Variants in ESF1 observed in about 807,000 individuals in gnomAD.
ESF1 encodes ESF1 homolog.
In ESF1, 58 loss-of-function variants were observed where a neutral mutation model predicts 92.0. The observed-to-expected ratio is 0.63, with a 90% CI of 0.51 to 0.78. The LOEUF (loss-of-function observed/expected upper bound fraction) is 0.78. Ranked by LOEUF, ESF1 falls within the 30% of genes least tolerant of loss-of-function variation. The pLI is 0.00. For synonymous variants in ESF1, 321 were observed against 313.7 expected (o/e 1.02, Z -0.24); for missense variants, 922 against 989.1 (o/e 0.93, Z 0.91).
intron 10 of ESF1, among the ~76,000 whole-genome samples, chr20:13,731,621 A>G (rs1195394732): frequency 1.3e-5 from 2 of 152,070 alleles, no homozygotes; most frequent in Non-Finnish European, 2.9e-5. Context: ...TAGCACATCA[A>G]TGGGAGCAGG....
intron 11 of ESF1, among the ~76,000 whole-genome samples, chr20:13,721,135 G>T (rs1289748446): frequency 2.6e-5 from 4 of 151,944 alleles, no homozygotes; most frequent in Non-Finnish European, 4.4e-5. Flanking sequence ...TAAAAAAAAA[G>T]AAAAGAAATG....
At chr20:13,756,882 A>T (rs764739254) in intron 9 of ESF1, among the ~76,000 whole-genome samples, 8 of 152,246 alleles carry the variant, frequency 5.3e-5, no homozygotes, top group Admixed American at 1.3e-4. Flanking sequence ...AAAAGTTTTT[A>T]AAATTAAAAG....
chr20:13,722,323 T>C (rs2049873486), intron 11 of ESF1, among the ~76,000 whole-genome samples: 1 of 152,214 alleles, frequency 6.6e-6, no homozygotes, highest in Non-Finnish European at 1.5e-5. Context: ...ACAAAGAATT[T>C]ACTATGATGT....
chr20:13,737,145 A>C (rs1353193201), intron 9 of ESF1, among the ~76,000 whole-genome samples: 1 of 152,218 alleles, frequency 6.6e-6, no homozygotes, highest in Non-Finnish European at 1.5e-5. Context: ...AACTGCTTTT[A>C]GTTTTGCACA....
At position 13,758,844 on chromosome 20, in the gene ESF1, T is replaced by TA. The variant is rs1342688366; in HGVS notation, c.1828+847dup. 2.6e-5 allele frequency among the ~76,000 whole-genome samples: 4 copies of TA among 152,294 alleles called. No individual in the cohort carries two copies. The East Asian group carries it at 7.7e-4, about 29-fold the overall frequency. On this transcript the variant is annotated intron_variant, in intron 9 of 13. Coordinates refer to ENST00000617257, the MANE Select transcript of ESF1 (RefSeq NM_001276380.2). ...ACAATGTTGAAAAAAATGTGTACAGTAGTCCCCCATTATCTGAGGAGGATA... is the reference window on the plus strand; with the variant it reads ...ACAATGTTGAAAAAAATGTGTACAGTAAGTCCCCCATTATCTGAGGAGGATA...
At chr20:13,778,462 C>CT (rs1325408976) in intron 2 of ESF1, among the ~76,000 whole-genome samples, 11 of 28,250 alleles carry the variant, frequency 3.9e-4, no homozygotes, top group Non-Finnish European at 3.4e-4. Flanking sequence ...TTTTGAATAT[C>CT]ATTTTTTTAT....
At position 13,769,932 on chromosome 20, in the gene ESF1, G is replaced by A; in HGVS notation, c.1493C>T (p.Thr498Ile). Residue 498 changes from threonine to isoleucine, a missense_variant, in exon 7 of 14, where the codon ACT (threonine) becomes ATT (isoleucine). By Grantham distance (89) the Thr-to-Ile change is moderately conservative (BLOSUM62 -1). Coordinates refer to ENST00000617257, the MANE Select transcript of ESF1 (RefSeq NM_001276380.2). ...NLTAYKPKYFTSAAMGTSTVE... is the reference protein window; with the variant it reads ...NLTAYKPKYFISAAMGTSTVE... The stretch of plus-strand genomic sequence containing the variant: ...CGTTGATGTTCCCATTGCAGCAGAA[G>A]TGAAATATTTTGGTTTATATGCTGT... The A allele has an allele frequency of 3.7e-6, 6 of 1,610,936 alleles. No individual in the cohort carries two copies. Among genetic ancestry groups the A allele is most frequent in the Non-Finnish European group, 4.2e-6 (5 of 1,178,402 alleles).
chr20:13,781,661 C>T (rs143485327), intron 2 of ESF1, among the ~76,000 whole-genome samples: 2 of 152,132 alleles, frequency 1.3e-5, no homozygotes, highest in Admixed American at 1.3e-4. Context: ...AAAGTGTGAC[C>T]CCTGGGAGCT....
At chr20:13,751,693 T>C (rs1447790047) in intron 9 of ESF1, among the ~76,000 whole-genome samples, 1 of 152,214 alleles carries the variant, frequency 6.6e-6, no homozygotes, top group Non-Finnish European at 1.5e-5. Flanking sequence ...AAAAAGCTTC[T>C]TGGAAAGTCT....
intron 5 of ESF1, 93 bp downstream of exon 5, chr20:13,772,422 A>G (rs1266893561): frequency 1.2e-5 from 11 of 934,780 alleles, no homozygotes; most frequent in African/African-American, 1.6e-5. Context: ...GCACAAGTAT[A>G]AACTTTAGTT....
intron 2 of ESF1, among the ~76,000 whole-genome samples, chr20:13,777,791 T>C: frequency 3.3e-5 from 1 of 30,422 alleles, no homozygotes; most frequent in African/African-American, 8.6e-5. Flanking sequence ...TACTCATCTT[T>C]AAGTTGGAGC....
At chr20:13,734,769 A>AT (rs1387728841) in intron 9 of ESF1, among the ~76,000 whole-genome samples, 1 of 71,914 alleles carries the variant, frequency 1.4e-5, no homozygotes, top group East Asian at 1.1e-3. Flanking sequence ...CACAAAATTC[A>AT]TTAAAAAAAG....
chr20:13,778,439 C>A (rs1418033877), intron 2 of ESF1, among the ~76,000 whole-genome samples: 2 of 144,534 alleles, frequency 1.4e-5, no homozygotes, highest in African/African-American at 5.1e-5. Context: ...AGTCATTATA[C>A]CATTTTCATG....
At chr20:13,761,252 G>A (rs946717213) in intron 8 of ESF1, among the ~76,000 whole-genome samples, 2 of 151,912 alleles carry the variant, frequency 1.3e-5, no homozygotes, top group African/African-American at 2.4e-5. Context: ...GCGGAAGGCC[G>A]CAGGGTCCTC....
rs5840576 is a variant in ESF1, at chr20:13,771,912, C to CT, written c.1251-430dup. On this transcript the variant is annotated intron_variant, in intron 5 of 13. Coordinates refer to ENST00000617257, the MANE Select transcript of ESF1 (RefSeq NM_001276380.2). ...TGATTTTGCTTAACTACAACACATT[C>CT]TTTTTTTTTTTTTTTTTTTTAAGGT... 2.0e-3 allele frequency among the ~76,000 whole-genome samples: 263 copies of CT among 128,734 alleles called. 2 individuals are homozygous for CT. The highest frequency in any genetic ancestry group is 7.1e-3 in the African/African-American group (251 of 35,256). 84.5% of individuals were successfully genotyped at this position (128,734 alleles called of 152,430 possible).
chr20:13,780,075 G>A (rs573809032), intron 2 of ESF1, among the ~76,000 whole-genome samples: 63 of 152,266 alleles, frequency 4.1e-4, no homozygotes, highest in Non-Finnish European at 6.8e-4. Context: ...ATATGGAGCC[G>A]TGTAATCCTT....
chr20:13,750,613 T>C (rs1011384864), intron 9 of ESF1, among the ~76,000 whole-genome samples: 1 of 152,224 alleles, frequency 6.6e-6, no homozygotes, highest in African/African-American at 2.4e-5. Context: ...TGTGTATAAT[T>C]TTATCAGTAT....
At chr20:13,768,031 G>C (rs1331535185) in intron 7 of ESF1, among the ~76,000 whole-genome samples, 1 of 152,188 alleles carries the variant, frequency 6.6e-6, no homozygotes, top group African/African-American at 2.4e-5. Flanking sequence ...TAGACTGGCT[G>C]GCTGGACAGG....
chr20:13,776,522 G>C (rs746948952), intron 2 of ESF1, among the ~76,000 whole-genome samples: 6 of 152,072 alleles, frequency 3.9e-5, no homozygotes, highest in Non-Finnish European at 7.4e-5. Flanking sequence ...CTCACATCAC[G>C]CAAGTAGATC....
Sources: gnomAD v4.1 joint callset for allele counts (sites outside exome capture counted in the v4.1 genomes callset) on GRCh38, gnomAD v4.1.1 for gene constraint, MANE v1.5 for transcripts, NCBI Gene and HGNC (gene_info 2026-07-23, HGNC 2026-07-21) for gene names.